The following STK32C variants were observed in gnomAD, a reference collection of about 807,000 sequenced individuals.
STK32C encodes the protein serine/threonine-protein kinase 32C.
Under a neutral mutation model 56.5 loss-of-function variants are expected in STK32C, and 31 were observed. The observed-to-expected ratio is 0.55, with a 90% CI of 0.41 to 0.74. STK32C has a LOEUF of 0.74. Ranked by LOEUF, STK32C falls within the 30% of genes least tolerant of loss-of-function variation. STK32C has a pLI of 0.00. For missense variants in STK32C, 544 were observed against 676.9 expected (o/e 0.80, Z 2.18); for synonymous variants, 309 against 289.4 (o/e 1.07, Z -0.69).
chr10:132,301,135 C>T (rs904275902), intron 1 of STK32C, among the ~76,000 whole-genome samples: 2 of 151,934 alleles, frequency 1.3e-5, no homozygotes, highest in Non-Finnish European at 2.9e-5. Context: ...TTCCTAACGC[C>T]CAGTAGAAGG....
At chr10:132,249,181 C>T in intron 1 of STK32C, 1 of 225,160 alleles carries the variant, frequency 4.4e-6, no homozygotes, top group Non-Finnish European at 8.9e-6. Flanking sequence ...CTATGGGGGT[C>T]AGGGCGTGTC....
intron 1 of STK32C, among the ~76,000 whole-genome samples, chr10:132,289,143 A>G (rs968445966): frequency 5.3e-5 from 8 of 152,238 alleles, no homozygotes; most frequent in Admixed American, 2.0e-4. Context: ...GGTTTTTGAC[A>G]AAAGCACGAA....
At chr10:132,289,915 G>A (rs1368271544) in intron 1 of STK32C, among the ~76,000 whole-genome samples, 1 of 152,184 alleles carries the variant, frequency 6.6e-6, no homozygotes, top group East Asian at 1.9e-4. Context: ...AAAGAGTCGT[G>A]AATATCATCA....
At chr10:132,229,739 A>C (rs541780122) in intron 2 of STK32C, among the ~76,000 whole-genome samples, 1 of 152,318 alleles carries the variant, frequency 6.6e-6, no homozygotes, top group East Asian at 1.9e-4. Flanking sequence ...TTTGTGAAGC[A>C]AAGCGGTGAC....
chr10:132,236,245 C>T (rs925569469), intron 2 of STK32C, among the ~76,000 whole-genome samples: 3 of 152,244 alleles, frequency 2.0e-5, no homozygotes, highest in African/African-American at 7.2e-5. Context: ...AGCGAAGGGA[C>T]GTGGTCAATG....
At chr10:132,290,331 T>C (rs1447923180) in intron 1 of STK32C, among the ~76,000 whole-genome samples, 1 of 152,230 alleles carries the variant, frequency 6.6e-6, no homozygotes, top group Non-Finnish European at 1.5e-5. Context: ...CCCAGTTAAG[T>C]TAAATCTAAG....
In STK32C at chr10:132,254,176, G is replaced by A. The variant is rs2064020580; in HGVS notation, c.263-8221C>T. Reference sequence around the variant, plus strand: ...TACAAAAAATTAGCCAGGCATAGTGGCGGGCGCCTGTAATCCCAGCTACTC... The same window carrying A: ...TACAAAAAATTAGCCAGGCATAGTGACGGGCGCCTGTAATCCCAGCTACTC... On this transcript the variant is annotated intron_variant, in intron 1 of 11. Coordinates refer to ENST00000298630, the MANE Select transcript of STK32C (RefSeq NM_173575.4). 2.6e-5 allele frequency among the ~76,000 whole-genome samples: 4 copies of A among 152,172 alleles called. No individual in the cohort carries two copies. In the South Asian group the frequency reaches 6.2e-4, roughly 24 times the overall value.
chr10:132,236,161 T>C (rs1291277423), intron 2 of STK32C, among the ~76,000 whole-genome samples: 1 of 140,842 alleles, frequency 7.1e-6, no homozygotes, highest in African/African-American at 2.9e-5. Flanking sequence ...AGCCCACACA[T>C]GGGCCTCAGT....
chr10:132,294,581 C>T lies in STK32C; in HGVS notation c.262+12991G>A, dbSNP rs114811980. Reference sequence around the variant, plus strand: ...ACACCAAACGCCATCTGATGCCTGGCGCCCTTCTCCACTCTCGGGACACGA... The same window carrying T: ...ACACCAAACGCCATCTGATGCCTGGTGCCCTTCTCCACTCTCGGGACACGA... On this transcript the variant is annotated intron_variant, in intron 1 of 11. Coordinates refer to ENST00000298630, the MANE Select transcript of STK32C (RefSeq NM_173575.4). 9.2e-3 allele frequency among the ~76,000 whole-genome samples: 1,398 copies of T among 152,296 alleles called. 13 individuals are homozygous for T. Among genetic ancestry groups the T allele is most frequent in the African/African-American group, 0.033 (1,351 of 41,566 alleles).
At chr10:132,287,319 C>G (rs1027274366) in intron 1 of STK32C, among the ~76,000 whole-genome samples, 1 of 151,738 alleles carries the variant, frequency 6.6e-6, no homozygotes, top group Non-Finnish European at 1.5e-5. Context: ...GGTGAAACCC[C>G]GTCTCTACTA....
chr10:132,211,379 T>C (rs1032925705), intron 10 of STK32C, among the ~76,000 whole-genome samples: 2 of 152,194 alleles, frequency 1.3e-5, no homozygotes, highest in Admixed American at 1.3e-4. Context: ...CGTGGCCCTG[T>C]GTGCAGCCCA....
chr10:132,228,267 G>C, intron 2 of STK32C, 139 bp from the exon 3 acceptor site: 1 of 1,036,186 alleles, frequency 9.7e-7, no homozygotes, highest in Non-Finnish European at 1.5e-6. Flanking sequence ...CAGCCCCTCT[G>C]CCTCCTAGAC....
chr10:132,208,096 C>T lies in STK32C; in HGVS notation c.1375G>A (p.Asp459Asn). ...REPLPAPESR[D>N]AAEPVEDEAE... ...TCGTCCTCCACAGGCTCCGCAGCATCCCTGGACTCAGGGGCGGGGAGAGGC... is the reference window on the plus strand; with the variant it reads ...TCGTCCTCCACAGGCTCCGCAGCATTCCTGGACTCAGGGGCGGGGAGAGGC... The change falls in exon 12 of 12, where the codon GAT (aspartate) becomes AAT (asparagine). Residue 459 changes from aspartate to asparagine, a missense_variant. Physicochemically the swap from Asp to Asn is conservative, Grantham distance 23. This residue lies in a region of STK32C where 277 missense variants were observed against 309.3 expected (regional missense o/e 0.90). Transcript: ENST00000298630. 1.5e-6 allele frequency: 2 copies of T among 1,311,284 alleles called. No individual in the cohort carries two copies. Among genetic ancestry groups the T allele is most frequent in the Non-Finnish European group, 2.0e-6 (2 of 1,021,532 alleles). The allele number at this position is 1,311,284 out of a possible 1,614,324, so 81.2% of individuals were successfully genotyped here. A position where few individuals can be genotyped will look rare whatever the true frequency, so the allele number is the denominator to read the frequency against.
At chr10:132,302,191 G>A (rs1470684255) in intron 1 of STK32C, among the ~76,000 whole-genome samples, 4 of 152,206 alleles carry the variant, frequency 2.6e-5, no homozygotes, top group Non-Finnish European at 5.9e-5. Context: ...GGCTTCACCC[G>A]CAGAGAATCA....
chr10:132,324,222 A>G (rs757796505), exon 2 of STK32C: 1 of 779,674 alleles, frequency 1.3e-6, no homozygotes, highest in Admixed American at 1.7e-5. Context: ...TGAGAAATTC[A>G]TTAACAATTC....
chr10:132,260,364 G>C lies in STK32C; in HGVS notation c.263-14409C>G, dbSNP rs145245015. Among the ~76,000 whole-genome samples the C allele has an allele frequency of 2.7e-3, 418 of 152,272 alleles. 3 individuals are homozygous for C. Among genetic ancestry groups the C allele is most frequent in the African/African-American group, 6.7e-3 (280 of 41,570 alleles). ...ACCACTGAGAGCCAACTGCACGGAA[G>C]AGGCAGGAGGCCAAGCCGGAGCCAG... On this transcript the variant is annotated intron_variant, in intron 1 of 11. Transcript: ENST00000298630.
chr10:132,227,869 T>C, intron 3 of STK32C, 108 bp downstream of exon 3: 1 of 1,386,836 alleles, frequency 7.2e-7, no homozygotes. Context: ...GGCAGAGGCA[T>C]CTCCGAGGCA....
At chr10:132,265,789 A>T (rs1278917907) in intron 1 of STK32C, among the ~76,000 whole-genome samples, 1 of 152,180 alleles carries the variant, frequency 6.6e-6, no homozygotes, top group Non-Finnish European at 1.5e-5. Context: ...TCGCCACGGA[A>T]ACACAAGGAA....
chr10:132,319,481 A>G (rs1244087086), downstream of STK32C, among the ~76,000 whole-genome samples: 1 of 152,268 alleles, frequency 6.6e-6, no homozygotes, highest in African/African-American at 2.4e-5. Context: ...ATTCAACAGA[A>G]TATTATTCAG....
Sources: gnomAD v4.1 joint callset for allele counts (sites outside exome capture counted in the v4.1 genomes callset) on GRCh38, gnomAD v4.1.1 for gene constraint, gnomAD v4.1.1 regional missense constraint, MANE v1.5 for transcripts, NCBI Gene and HGNC (gene_info 2026-07-23, HGNC 2026-07-21) for gene names.